KCND3: variants seen among roughly 807,000 people sequenced by gnomAD.
The protein encoded by KCND3 is A-type voltage-gated potassium channel KCND3.
Under a neutral mutation model 51.1 loss-of-function variants are expected in KCND3, and 9 were observed. The observed-to-expected ratio is 0.18, with a 90% CI of 0.11 to 0.31. The LOEUF (loss-of-function observed/expected upper bound fraction) is 0.31, where lower values mean the gene tolerates loss of function less well. KCND3 is among the 10% of genes least tolerant of loss of function. The pLI is 1.00. For missense variants in KCND3, 526 were observed against 903.8 expected (o/e 0.58, Z 5.36); for synonymous variants, 349 against 368.0 (o/e 0.95, Z 0.59).
At chr1:111,940,668 A>G (rs1319964576) in intron 2 of KCND3, among the ~76,000 whole-genome samples, 1 of 152,066 alleles carries the variant, frequency 6.6e-6, no homozygotes, top group East Asian at 1.9e-4. Flanking sequence ...CGCAGTTTTG[A>G]ATCCTCTTTC....
intron 1 of KCND3, among the ~76,000 whole-genome samples, chr1:111,985,949 G>A (rs1675253033): frequency 1.3e-5 from 2 of 152,196 alleles, no homozygotes; most frequent in African/African-American, 4.8e-5. Flanking sequence ...AGGAAAGAAT[G>A]GAGGTCGTTC....
intron 2 of KCND3, among the ~76,000 whole-genome samples, chr1:111,854,531 C>T (rs1667970419): frequency 6.6e-6 from 1 of 152,082 alleles, no homozygotes; most frequent in Non-Finnish European, 1.5e-5. Context: ...AGTCGGTTGT[C>T]CAGTGGAGGG....
intron 2 of KCND3, among the ~76,000 whole-genome samples, chr1:111,817,031 T>G (rs1666123541): frequency 6.6e-6 from 1 of 152,134 alleles, no homozygotes; most frequent in Non-Finnish European, 1.5e-5. Flanking sequence ...GTACAGGTGG[T>G]TTTTGGTTAC....
At chr1:111,970,413 C>T (rs964164890) in intron 2 of KCND3, among the ~76,000 whole-genome samples, 8 of 152,256 alleles carry the variant, frequency 5.3e-5, no homozygotes, top group African/African-American at 1.9e-4. Flanking sequence ...GGCAGACCCA[C>T]AACATTTGTT....
chr1:111,954,192 C>A (rs1000977056), intron 2 of KCND3, among the ~76,000 whole-genome samples: 2 of 152,212 alleles, frequency 1.3e-5, no homozygotes, highest in African/African-American at 4.8e-5. Flanking sequence ...CTCTCCCAAA[C>A]CATGCCAACA....
chr1:111,784,308 C>T (rs539619572), intron 3 of KCND3, among the ~76,000 whole-genome samples: 14 of 152,080 alleles, frequency 9.2e-5, no homozygotes, highest in Non-Finnish European at 1.6e-4. Flanking sequence ...CTTACAACTG[C>T]GTGAGCATCT....
At chr1:111,798,519 T>C (rs1387538085) in intron 2 of KCND3, among the ~76,000 whole-genome samples, 2 of 152,020 alleles carry the variant, frequency 1.3e-5, no homozygotes, top group Non-Finnish European at 2.9e-5. Context: ...TATCTCTGGA[T>C]CCCTGGTGCC....
At chr1:111,798,490 A>G (rs1377339695) in intron 2 of KCND3, among the ~76,000 whole-genome samples, 4 of 152,074 alleles carry the variant, frequency 2.6e-5, no homozygotes, top group African/African-American at 7.2e-5. Flanking sequence ...AATAAGAGCA[A>G]TCTGAGGACA....
At chr1:111,927,667 C>A (rs1671772071) in intron 2 of KCND3, among the ~76,000 whole-genome samples, 1 of 152,206 alleles carries the variant, frequency 6.6e-6, no homozygotes, top group Non-Finnish European at 1.5e-5. Flanking sequence ...CTTTTCCATT[C>A]ATCCAACAAG....
chr1:111,967,868 G>A (rs1674094503), intron 2 of KCND3, among the ~76,000 whole-genome samples: 1 of 152,186 alleles, frequency 6.6e-6, no homozygotes, highest in South Asian at 2.1e-4. Flanking sequence ...AGGTCACACA[G>A]CTTGCCAAAG....
At chr1:111,825,988 A>AAAAATC (rs1341012340) in intron 2 of KCND3, among the ~76,000 whole-genome samples, 2 of 152,230 alleles carry the variant, frequency 1.3e-5, no homozygotes, top group Non-Finnish European at 2.9e-5. Context: ...GGTACTCACT[A>AAAAATC]AAAATCAAAA....
rs1189642400 is a variant in KCND3, at chr1:111,775,966, G to T, written c.*111C>A. 6.6e-6 allele frequency: 8 copies of T among 1,212,200 alleles called. No individual in the cohort carries two copies. Among genetic ancestry groups the T allele is most frequent in the Non-Finnish European group, 9.7e-6 (8 of 825,422 alleles). The allele number at this position is 1,212,200 out of a possible 1,614,324, so 75.1% of individuals were successfully genotyped here. A position where few individuals can be genotyped will look rare whatever the true frequency, so the allele number is the denominator to read the frequency against. Reference sequence around the variant, plus strand: ...GTCTCAGTGCTAGGGGTACAATGGGGCAGGCAGAAATAGTGGGGAAAGGGG... The same window carrying T: ...GTCTCAGTGCTAGGGGTACAATGGGTCAGGCAGAAATAGTGGGGAAAGGGG... On this transcript the variant is annotated 3_prime_UTR_variant, in exon 8 of 8. Transcript: ENST00000302127.
intron 2 of KCND3, among the ~76,000 whole-genome samples, chr1:111,932,927 C>T (rs11102357): frequency 0.43 from 65,150 of 152,008 alleles, 14,582 homozygotes; most frequent in East Asian, 0.8. Context: ...GCTTGACTTT[C>T]ATTCATCAGC....
chr1:111,791,712 A>C (rs1157056965), intron 2 of KCND3, among the ~76,000 whole-genome samples: 1 of 152,204 alleles, frequency 6.6e-6, no homozygotes, highest in Non-Finnish European at 1.5e-5. Context: ...CTATGAATTG[A>C]GGTCTTTAGG....
chr1:111,943,161 G>T (rs994456427), intron 2 of KCND3, among the ~76,000 whole-genome samples: 3 of 152,118 alleles, frequency 2.0e-5, no homozygotes, highest in Admixed American at 2.0e-4. Flanking sequence ...GGGCGGGGTG[G>T]CATTCTAATG....
chr1:111,855,461 G>A (rs1330963858), intron 2 of KCND3, among the ~76,000 whole-genome samples: 1 of 152,148 alleles, frequency 6.6e-6, no homozygotes, highest in Admixed American at 6.5e-5. Flanking sequence ...ACATCATGAT[G>A]GTCCTTGAGC....
intron 2 of KCND3, among the ~76,000 whole-genome samples, chr1:111,849,027 C>G (rs998090562): frequency 3.3e-5 from 5 of 152,166 alleles, no homozygotes; most frequent in Admixed American, 2.0e-4. Context: ...CCTTCTCCCC[C>G]GCCGCTCCCT....
At chr1:111,876,689 A>G (rs1336580325) in intron 2 of KCND3, among the ~76,000 whole-genome samples, 1 of 152,248 alleles carries the variant, frequency 6.6e-6, no homozygotes, top group African/African-American at 2.4e-5. Context: ...ACATAGGGGT[A>G]GGCAAAGAGA....
At chr1:111,979,268 G>T (rs908590427) in intron 2 of KCND3, among the ~76,000 whole-genome samples, 8 of 152,238 alleles carry the variant, frequency 5.3e-5, no homozygotes, top group African/African-American at 1.9e-4. Flanking sequence ...CCACTTTGAT[G>T]CTGGACTTGC....
Sources: gnomAD v4.1 joint callset for allele counts (sites outside exome capture counted in the v4.1 genomes callset) on GRCh38, gnomAD v4.1.1 for gene constraint, MANE v1.5 for transcripts, NCBI Gene and HGNC (gene_info 2026-07-23, HGNC 2026-07-21) for gene names.